Variants in SPECC1 observed in about 807,000 individuals in gnomAD.
SPECC1 encodes sperm antigen with calponin homology and coiled-coil domains 1.
SPECC1 carries 62 observed loss-of-function variants against 104.1 expected under a neutral mutation model. The ratio of observed to expected loss-of-function variants is 0.60; its 90% confidence interval spans 0.49 to 0.74. SPECC1 has a LOEUF of 0.74. Ranked by LOEUF, SPECC1 falls within the 30% of genes least tolerant of loss-of-function variation. The pLI is 0.00. For synonymous variants in SPECC1, 513 were observed against 501.6 expected (o/e 1.02, Z -0.30); for missense variants, 1,306 against 1,310.5 (o/e 1.00, Z 0.05).
intron 13 of SPECC1, 53 bp from the exon 14 acceptor site, chr17:20,305,970 A>G: frequency 1.3e-6 from 2 of 1,519,350 alleles, no homozygotes; most frequent in Non-Finnish European, 9.1e-7. Context: ...TTTCCTGGCA[A>G]AAGCTATATA....
intron 13 of SPECC1, among the ~76,000 whole-genome samples, chr17:20,298,921 A>AAGAGAGAGAGAGAGAGAGAGAGAGAGAG (rs370856374): frequency 2.7e-5 from 2 of 72,792 alleles, no homozygotes; most frequent in African/African-American, 6.6e-5. Flanking sequence ...GCAGAACCAA[A>AAGAGAGAGAGAGAGAGAGAGAGAGAGAG]AGAGAGAGAG....
intron 1 of SPECC1, among the ~76,000 whole-genome samples, chr17:20,085,870 C>T (rs970084100): frequency 5.3e-5 from 8 of 152,228 alleles, no homozygotes; most frequent in African/African-American, 1.7e-4. Flanking sequence ...CTCTGGGTAC[C>T]CACGGCGGGA....
At chr17:20,282,890 A>C (rs1054236823) in intron 12 of SPECC1, among the ~76,000 whole-genome samples, 5 of 152,204 alleles carry the variant, frequency 3.3e-5, no homozygotes, top group Non-Finnish European at 7.3e-5. Context: ...AAAATAAATA[A>C]TTGGCTGGGT....
At chr17:20,295,773 A>G (rs1040610254) in intron 12 of SPECC1, among the ~76,000 whole-genome samples, 1 of 152,232 alleles carries the variant, frequency 6.6e-6, no homozygotes, top group African/African-American at 2.4e-5. Context: ...ATGGCCAGTG[A>G]TGATGAGCAT....
chr17:20,160,675 C>T (rs1476165062), intron 3 of SPECC1, among the ~76,000 whole-genome samples: 1 of 152,084 alleles, frequency 6.6e-6, no homozygotes, highest in Non-Finnish European at 1.5e-5. Flanking sequence ...TCTCTATATT[C>T]ATTCCTCTAC....
chr17:20,045,726 G>C (rs1247722607), intron 1 of SPECC1, among the ~76,000 whole-genome samples: 1 of 152,140 alleles, frequency 6.6e-6, no homozygotes, highest in Non-Finnish European at 1.5e-5. Flanking sequence ...GACTTGGCAG[G>C]GTTGGCCAGG....
At chr17:20,100,322 G>A (rs1241096426) in intron 2 of SPECC1, among the ~76,000 whole-genome samples, 4 of 152,048 alleles carry the variant, frequency 2.6e-5, no homozygotes, top group Admixed American at 6.6e-5. Flanking sequence ...CTATGGTATG[G>A]GAAGAAGAAA....
rs1597969195 is a variant in SPECC1, at chr17:20,205,014, C to G, written c.965C>G (p.Ala322Gly). ...TCCTCAAGTAGCGATGTTACCAAAG[C>G]TTCTTTGTCGCCAGATGCTTCCGAC... Reference protein sequence around the residue: ...SGSSSSDVTKASLSPDASDFE... With the variant: ...SGSSSSDVTKGSLSPDASDFE... Residue 322 changes from alanine (A) to glycine (G), a missense_variant, in exon 4 of 15, where the codon GCT becomes GGT. Transcript: ENST00000395527. 5 of 1,614,130 alleles carry G rather than the reference C, an allele frequency of 3.1e-6. No individual in the cohort carries two copies. In the East Asian group the frequency reaches 6.7e-5, roughly 22 times the overall value.
chr17:20,118,031 G>A (rs2048846991), intron 3 of SPECC1, among the ~76,000 whole-genome samples: 1 of 152,012 alleles, frequency 6.6e-6, no homozygotes, highest in Admixed American at 6.6e-5. Flanking sequence ...CTTGAACCTG[G>A]GAAGTGAAGG....
chr17:20,124,802 G>A (rs2049204828), intron 3 of SPECC1, among the ~76,000 whole-genome samples: 1 of 152,112 alleles, frequency 6.6e-6, no homozygotes, highest in African/African-American at 2.4e-5. Context: ...CTAACACAGA[G>A]CCTATTTTAT....
At chr17:20,111,749 G>A (rs1258216215) in intron 3 of SPECC1, 2 of 694,450 alleles carry the variant, frequency 2.9e-6, no homozygotes, top group East Asian at 5.4e-5. Context: ...GGGAAAGGCG[G>A]AAGGAGAAAA....
intron 4 of SPECC1, among the ~76,000 whole-genome samples, chr17:20,220,347 TG>T (rs2037796878): frequency 6.6e-6 from 1 of 152,176 alleles, no homozygotes; most frequent in African/African-American, 2.4e-5. Flanking sequence ...CTTCCATTTC[TG>T]GTGTCAATAT....
At chr17:20,196,509 C>T (rs1346450801) in intron 3 of SPECC1, among the ~76,000 whole-genome samples, 1 of 151,858 alleles carries the variant, frequency 6.6e-6, no homozygotes, top group African/African-American at 2.4e-5. Flanking sequence ...GCCTAACAAC[C>T]TTTGAATTGT....
chr17:20,288,638 C>T (rs559332802), intron 12 of SPECC1, among the ~76,000 whole-genome samples: 15 of 151,950 alleles, frequency 9.9e-5, no homozygotes, highest in East Asian at 5.8e-4. Context: ...TTTTTTGAGA[C>T]GGTATATTAG....
intron 3 of SPECC1, among the ~76,000 whole-genome samples, chr17:20,195,450 C>G (rs2035967255): frequency 6.6e-6 from 1 of 152,110 alleles, no homozygotes; most frequent in South Asian, 2.1e-4. Context: ...TAAATATAGT[C>G]CAAAGAAAGC....
intron 2 of SPECC1, among the ~76,000 whole-genome samples, 183 bp from the exon 3 acceptor site, chr17:20,110,244 T>TA (rs1567850096): frequency 6.6e-6 from 1 of 152,260 alleles, no homozygotes; most frequent in Non-Finnish European, 1.5e-5. Context: ...TCGGACCTGT[T>TA]ATGACAGAAA....
intron 1 of SPECC1, among the ~76,000 whole-genome samples, chr17:20,039,193 G>A (rs939322401): frequency 1.3e-5 from 2 of 152,220 alleles, no homozygotes; most frequent in Non-Finnish European, 2.9e-5. Context: ...CTAAGGATAT[G>A]TTCAGTGAAT....
At chr17:20,032,743 A>G (rs1189978714) in intron 1 of SPECC1, among the ~76,000 whole-genome samples, 1 of 151,886 alleles carries the variant, frequency 6.6e-6, no homozygotes, top group African/African-American at 2.4e-5. Flanking sequence ...GTTACTCCAA[A>G]GTCTTTTTCT....
At chr17:20,018,839 G>A (rs1173496740) in intron 1 of SPECC1, among the ~76,000 whole-genome samples, 1 of 152,180 alleles carries the variant, frequency 6.6e-6, no homozygotes, top group Non-Finnish European at 1.5e-5. Flanking sequence ...CTGTCTACCA[G>A]GGAAACTCAC....
Sources: allele counts gnomAD v4.1 joint callset (sites outside exome capture counted in the v4.1 genomes callset), GRCh38; gene constraint gnomAD v4.1.1; transcripts MANE v1.5; gene names NCBI Gene and HGNC (gene_info 2026-07-23, HGNC 2026-07-21).